The following SUN3 variants were observed in gnomAD, a reference collection of about 807,000 sequenced individuals.
SUN3 encodes the protein Sad1 and UNC84 domain containing 3.
SUN3 carries 36 observed loss-of-function variants against 48.2 expected under a neutral mutation model. That is an observed-to-expected ratio of 0.75 (90% CI 0.57 to 0.99). SUN3 has a LOEUF of 0.99. Ranked by LOEUF, SUN3 falls within the 50% of genes least tolerant of loss-of-function variation. SUN3 has a pLI of 0.00. For missense variants in SUN3, 419 were observed against 433.1 expected (o/e 0.97, Z 0.29); for synonymous variants, 148 against 147.9 (o/e 1.00, Z 0.00).
In SUN3 at chr7:48,025,886, GAA is replaced by G. The variant is rs747300137; in HGVS notation, c.173_174del (p.Phe58SerfsTer12). ...ACTTAGGAAGACTTACCTACAAGAA[GAA>G]AAGTCAGTGTAAGCATTGTACTTAG... Reference protein sequence around the residue: ...IILSTMLTLTFLLVGLLNHQW... With the variant: ...IILSTMLTLTXLLVGLLNHQW... On this transcript the variant is annotated frameshift_variant, in exon 2 of 10. Transcript: ENST00000297325. LOFTEE classifies it high-confidence loss of function. 6 of 1,600,670 alleles carry G rather than the reference GAA, an allele frequency of 3.7e-6. No individual in the cohort carries two copies.
chr7:47,990,724 G>A (rs932691870), intron 8 of SUN3, among the ~76,000 whole-genome samples: 2 of 151,892 alleles, frequency 1.3e-5, no homozygotes, highest in African/African-American at 4.8e-5. Flanking sequence ...TTATCACCTT[G>A]TTGGGTTTTT....
At chr7:48,005,847 AT>A (rs886414717) in intron 6 of SUN3, 121 bp downstream of exon 6, 44 of 501,600 alleles carry the variant, frequency 8.8e-5, no homozygotes, top group African/African-American at 2.9e-4. Flanking sequence ...AAATTGATTA[AT>A]TTCCCCCCCC....
At chr7:47,996,798 CCTT>C (rs1410841389) in intron 6 of SUN3, among the ~76,000 whole-genome samples, 2 of 150,516 alleles carry the variant, frequency 1.3e-5, no homozygotes, top group Non-Finnish European at 3.0e-5. Context: ...CTTTTTCTTT[CCTT>C]CTTTTTTTTT....
Position 47,991,079 on chromosome 7 carries a change from C to CAACAA in SUN3, c.862-2204_862-2200dup, listed in dbSNP as rs925235462. ...AAAGTTAAAATAAAAAACAAATAAACAACAAAACAAAACAAACCAAAAAAA... is the reference window on the plus strand; with the variant it reads ...AAAGTTAAAATAAAAAACAAATAAACAACAAAACAAAACAAAACAAACCAAAAAAA... On this transcript the variant is annotated intron_variant, in intron 8 of 9. Coordinates refer to ENST00000297325, the MANE Select transcript of SUN3 (RefSeq NM_001030019.2). The CAACAA allele has an allele frequency of 1.8e-5, 8 of 454,364 alleles. No homozygotes were observed. The Admixed American group carries it at 1.9e-4, about 11-fold the overall frequency. The allele number at this position is 454,364 out of a possible 1,614,324, so 28.1% of individuals were successfully genotyped here.
chr7:48,035,270 C>A, the SUN3 span, among the ~76,000 whole-genome samples: 2,447 of 152,190 alleles, frequency 0.016, 55 homozygotes, highest in Non-Finnish European at 0.019. This position sits in a 1 kb window ranked among gnomAD's most constrained non-coding sequence, Gnocchi z 4.0. Context: ...CCCACGCCCC[C>A]ACACCCCTGC....
chr7:48,026,070 A>G (rs1790126026), intron 1 of SUN3, 132 bp from the exon 2 acceptor site: 1 of 626,740 alleles, frequency 1.6e-6, no homozygotes, highest in African/African-American at 1.9e-5. Context: ...TGAGTCTATG[A>G]ATTACTTTAA....
intron 8 of SUN3, among the ~76,000 whole-genome samples, chr7:47,993,759 T>A (rs1271279120): frequency 6.6e-6 from 1 of 152,190 alleles, no homozygotes; most frequent in East Asian, 1.9e-4. Flanking sequence ...TACACAACTC[T>A]GTGAATACAC....
chr7:48,031,219 G>T (rs538065353), upstream of SUN3, among the ~76,000 whole-genome samples: 18 of 152,318 alleles, frequency 1.2e-4, no homozygotes, highest in African/African-American at 4.1e-4. Flanking sequence ...AGTTGGCAAA[G>T]GTCCTAAATA....
intron 2 of SUN3, 69 bp from the exon 3 acceptor site, chr7:48,017,434 A>C (rs1789843879): frequency 5.8e-6 from 5 of 857,760 alleles, no homozygotes; most frequent in Non-Finnish European, 9.4e-6. Context: ...ACATGTATTC[A>C]TAAGAATTTC....
chr7:48,014,697 G>C (rs555642160), intron 3 of SUN3, among the ~76,000 whole-genome samples: 26 of 152,284 alleles, frequency 1.7e-4, no homozygotes, highest in African/African-American at 6.0e-4. Context: ...GAACCTGCCA[G>C]ATAAACTTAC....
upstream of SUN3, among the ~76,000 whole-genome samples, chr7:48,030,535 CTG>C (rs556712350): frequency 3.3e-5 from 5 of 152,322 alleles, no homozygotes; most frequent in African/African-American, 1.2e-4. Flanking sequence ...TTACTATAAA[CTG>C]TGCTCTGCAT....
intron 2 of SUN3, 24 bp from the exon 3 acceptor site, chr7:48,017,389 G>A (rs758621290): frequency 1.4e-5 from 18 of 1,292,026 alleles, no homozygotes; most frequent in Middle Eastern, 3.7e-4. Flanking sequence ...GACAAACTTT[G>A]ATTAAAGAGT....
chr7:48,008,803 A>C (rs1326347764), intron 4 of SUN3, among the ~76,000 whole-genome samples: 1 of 152,126 alleles, frequency 6.6e-6, no homozygotes, highest in Non-Finnish European at 1.5e-5. Context: ...CTAACCCTTT[A>C]ATCTTTTCTA....
Position 48,026,018 on chromosome 7 carries a change from C to T in SUN3, c.123-80G>A, listed in dbSNP as rs558926738. ...ACTTGGACTTTAGCCACTACACTCA[C>T]GTCAACAAACTTACTTATTTTCATT... On this transcript the variant is annotated intron_variant, in intron 1 of 9. Coordinates refer to ENST00000297325, the MANE Select transcript of SUN3 (RefSeq NM_001030019.2). 1.0e-4 allele frequency: 89 copies of T among 872,652 alleles called. 2 individuals are homozygous for T. In the South Asian group the frequency reaches 1.1e-3, roughly 11 times the overall value. 54.1% of individuals were successfully genotyped at this position (872,652 alleles called of 1,614,324 possible).
intron 6 of SUN3, 118 bp downstream of exon 6, chr7:48,005,851 C>CT: frequency 7.1e-5 from 23 of 322,482 alleles, no homozygotes; most frequent in South Asian, 3.9e-4. Flanking sequence ...TGATTAATTT[C>CT]CCCCCCCCAA....
chr7:48,004,061 T>C (rs77174027), intron 6 of SUN3, among the ~76,000 whole-genome samples: 3,697 of 152,328 alleles, frequency 0.024, 148 homozygotes, highest in African/African-American at 0.084. Flanking sequence ...TCCATCTGGT[T>C]CTTTTTATTC....
chr7:47,989,571 A>T (rs1424203241), intron 8 of SUN3, among the ~76,000 whole-genome samples: 1 of 152,240 alleles, frequency 6.6e-6, no homozygotes, highest in African/African-American at 2.4e-5. Context: ...TAAACAGTAC[A>T]TTCATTAAAT....
chr7:48,034,602 G>A, the SUN3 span, among the ~76,000 whole-genome samples: 1 of 152,184 alleles, frequency 6.6e-6, no homozygotes. Context: ...TTTTGCCAGG[G>A]TTGTATAGGG....
chr7:48,017,846 C>G (rs1789854240), intron 2 of SUN3, among the ~76,000 whole-genome samples: 1 of 152,134 alleles, frequency 6.6e-6, no homozygotes, highest in South Asian at 2.1e-4. Context: ...TGTGTTTATT[C>G]CACGCCTATA....
Sources: gnomAD v4.1 joint callset for allele counts (sites outside exome capture counted in the v4.1 genomes callset) on GRCh38, gnomAD v4.1.1 for gene constraint, Gnocchi (gnomAD v3.1) non-coding constraint, MANE v1.5 for transcripts, NCBI Gene and HGNC (gene_info 2026-07-23, HGNC 2026-07-21) for gene names.